Variants in ASTE1 observed in about 807,000 individuals in gnomAD.
The protein encoded by ASTE1 is asteroid structure-specific endonuclease 1.
A neutral mutation model predicts 45.8 loss-of-function variants in ASTE1; 49 were observed. That is an observed-to-expected ratio of 1.07 (90% CI 0.85 to 1.36). The LOEUF is 1.36. Among genes scored for constraint, ASTE1 ranks in the 40% most tolerant of loss-of-function variants. The pLI is 0.00. For missense variants in ASTE1, 709 were observed against 804.0 expected (o/e 0.88, Z 1.43); for synonymous variants, 296 against 303.9 (o/e 0.97, Z 0.27).
chr3:131,016,391 T>C, intron 4 of ASTE1, 52 bp from the exon 5 acceptor site: 1 of 1,588,978 alleles, frequency 6.3e-7, no homozygotes, highest in East Asian at 2.2e-5. Flanking sequence ...CTGTAACAGC[T>C]TTTCATTTTC....
Position 131,013,928 on chromosome 3 carries a change from C to G in ASTE1, c.*129G>C. Reference sequence around the variant, plus strand: ...ACAAAATACAAAATAACTTGGAATTCAGATTATTGTGATGTTTATCCCCTA... The same window carrying G: ...ACAAAATACAAAATAACTTGGAATTGAGATTATTGTGATGTTTATCCCCTA... On this transcript the variant is annotated 3_prime_UTR_variant, in exon 6 of 6. Transcript: ENST00000264992. The G allele has an allele frequency of 1.7e-6, 1 of 598,788 alleles. No homozygotes were observed. Among genetic ancestry groups the G allele is most frequent in the Admixed American group, 3.5e-5 (1 of 28,308 alleles). 37.1% of individuals were successfully genotyped at this position (598,788 alleles called of 1,614,324 possible).
rs762665001 is a variant in ASTE1 at position 131,018,530 on chromosome 3, A to C, written c.1489T>G (p.Leu497Val). ...CCAGGGCTGTTGATTATGGCAATCA[A>C]GGGCCCCACTAGCATTGTGAGCAGT... ...SLLLTMLVGP[L>V]IAIINSPGKE... Residue 497 changes from leucine to valine, a missense_variant, in exon 4 of 6, where the codon TTG becomes GTG. Coordinates refer to ENST00000264992, the MANE Select transcript of ASTE1 (RefSeq NM_014065.4). The C allele has an allele frequency of 2.5e-6, 4 of 1,614,046 alleles. No individual in the cohort carries two copies. Among genetic ancestry groups the C allele is most frequent in the Non-Finnish European group, 3.4e-6 (4 of 1,180,010 alleles).
At position 131,018,626 on chromosome 3, in the gene ASTE1, G is replaced by A. The variant is rs1329282201; in HGVS notation, c.1393C>T (p.Pro465Ser). The A allele has an allele frequency of 1.9e-5, 30 of 1,613,908 alleles. 1 individual carries two copies. Among genetic ancestry groups the A allele is most frequent in the Non-Finnish European group, 2.4e-5 (28 of 1,180,014 alleles). Residue 465 changes from proline (P) to serine (S), a missense_variant, in exon 4 of 6, where the codon CCC becomes TCC. Coordinates refer to ENST00000264992, the MANE Select transcript of ASTE1 (RefSeq NM_014065.4). ...AACCAGTAGCAACTGACAGCAATGGGCAACTTCAGTGAAGTAGGGATTGGC... is the reference window on the plus strand; with the variant it reads ...AACCAGTAGCAACTGACAGCAATGGACAACTTCAGTGAAGTAGGGATTGGC... ...LEPIPTSLKLPIAVSCYWLQH... is the reference protein window; with the variant it reads ...LEPIPTSLKLSIAVSCYWLQH...
chr3:131,023,912 A>G, intron 3 of ASTE1, 93 bp downstream of exon 3: 1 of 1,282,604 alleles, frequency 7.8e-7, no homozygotes. Context: ...CAACCTCATC[A>G]GTTTGTTATA....
chr3:131,019,632 G>C (rs218502), intron 3 of ASTE1, among the ~76,000 whole-genome samples: 133,738 of 152,180 alleles, frequency 0.88, 59,418 homozygotes, highest in Non-Finnish European at 0.95. Flanking sequence ...TTAAGAAAAA[G>C]AAAAGTTGTA....
Position 131,025,253 on chromosome 3 carries a change from G to C in ASTE1, c.54C>G (p.Phe18Leu). ...TTGTGTCCCGCAACTTCAAATCAGT[G>C]AAGAACTCATTACTATGATCTTCCA... ...SFVEDHSNEF[F>L]TDLKLRDTKI... Residue 18 changes from phenylalanine (F) to leucine (L), a missense_variant, in exon 3 of 6, where the codon TTC becomes TTG. Physicochemically the swap from Phe to Leu is conservative, Grantham distance 22. Coordinates refer to ENST00000264992, the MANE Select transcript of ASTE1 (RefSeq NM_014065.4). 6.2e-7 allele frequency: 1 copy of C among 1,614,146 alleles called. No homozygotes were observed. The highest frequency in any genetic ancestry group is 1.7e-5 in the Admixed American group (1 of 60,022).
intron 3 of ASTE1, among the ~76,000 whole-genome samples, chr3:131,021,382 T>TA (rs1349119758): frequency 6.6e-6 from 1 of 152,208 alleles, no homozygotes; most frequent in Non-Finnish European, 1.5e-5. Flanking sequence ...AGAAAAATGT[T>TA]ACAGCAATGA....
Position 131,025,222 on chromosome 3 carries a change from C to T in ASTE1, c.85G>A (p.Val29Ile). Residue 29 changes from valine to isoleucine, a missense_variant, in exon 3 of 6, where the codon GTC becomes ATC. By Grantham distance (29) the Val-to-Ile change is conservative. Transcript: ENST00000264992. ...TDLKLRDTKIVIDGYALFHRL... is the reference protein window; with the variant it reads ...TDLKLRDTKIIIDGYALFHRL... ...TGGAAAAGAGCATAACCATCAATGA[C>T]AATTTTTGTGTCCCGCAACTTCAAA... is the stretch of plus-strand genomic sequence containing the variant. 2.5e-6 allele frequency: 4 copies of T among 1,614,202 alleles called. No individual in the cohort carries two copies. Among genetic ancestry groups the T allele is most frequent in the South Asian group, 2.2e-5 (2 of 91,086 alleles).
At chr3:131,018,837 T>A in intron 3 of ASTE1, 121 bp from the exon 4 acceptor site, 1 of 951,900 alleles carries the variant, frequency 1.1e-6, no homozygotes, top group Non-Finnish European at 1.5e-6. Flanking sequence ...TAAACTTATC[T>A]TCTTGTGGGA....
intron 5 of ASTE1, 100 bp downstream of exon 5, chr3:131,016,044 T>G (rs1275168631): frequency 1.7e-6 from 2 of 1,178,600 alleles, no homozygotes; most frequent in Non-Finnish European, 2.2e-6. Context: ...TTTGTTTTGG[T>G]TTTTTTTTTT....
chr3:131,018,617 C>T lies in ASTE1; in HGVS notation c.1402G>A (p.Val468Ile). The T allele has an allele frequency of 1.9e-6, 3 of 1,614,014 alleles. No homozygotes were observed. Among genetic ancestry groups the T allele is most frequent in the Non-Finnish European group, 1.7e-6 (2 of 1,180,002 alleles). ...IPTSLKLPIA[V>I]SCYWLQHTET... ...GTGTGCTGCAACCAGTAGCAACTGA[C>T]AGCAATGGGCAACTTCAGTGAAGTA... The change falls in exon 4 of 6, where the codon GTC becomes ATC. Residue 468 changes from valine (V) to isoleucine (I), a missense_variant. Val to Ile is a conservative substitution (Grantham distance 29). Transcript: ENST00000264992.
rs2063702600 is a variant in ASTE1, at chr3:131,018,679, G to GT, written c.1339dup (p.Thr447AsnfsTer60). The GT allele has an allele frequency of 2.5e-6, 4 of 1,614,026 alleles. No individual in the cohort carries two copies. The highest frequency in any genetic ancestry group is 3.4e-6 in the Non-Finnish European group (4 of 1,180,000). The stretch of plus-strand genomic sequence containing the variant: ...CAGAATGGTCTGTTTCACCTTCAGG[G>GT]TTTCTAACAGAAGCATCTGCCGCCT... On this transcript the variant is annotated frameshift_variant, in exon 4 of 6. Coordinates refer to ENST00000264992, the MANE Select transcript of ASTE1 (RefSeq NM_014065.4). LOFTEE classifies it high-confidence loss of function.
chr3:131,014,913 G>A (rs556806252), intron 5 of ASTE1, among the ~76,000 whole-genome samples: 1 of 152,320 alleles, frequency 6.6e-6, no homozygotes, highest in South Asian at 2.1e-4. Flanking sequence ...TAACATCTCT[G>A]TGTAAAAAGC....
chr3:131,014,363 G>C lies in ASTE1; in HGVS notation c.1734C>G (p.His578Gln). The C allele has an allele frequency of 6.2e-7, 1 of 1,605,154 alleles. No individual in the cohort carries two copies. The highest frequency in any genetic ancestry group is 2.2e-5 in the East Asian group (1 of 44,856). ...LTRLYSGSLV[H>Q]GLCQQLLAST... ...ATGCTAGCAGTTGCTGGCATAGTCC[G>C]TGCACCAGGCTTCCACTGTACAGTC... The change falls in exon 6 of 6, where the codon CAC becomes CAG. Residue 578 changes from histidine to glutamine, a missense_variant. Physicochemically the swap from His to Gln is conservative, Grantham distance 24 (BLOSUM62 0). Coordinates refer to ENST00000264992, the MANE Select transcript of ASTE1 (RefSeq NM_014065.4).
Position 131,020,942 on chromosome 3 carries a change from G to A in ASTE1, c.1303-2226C>T, listed in dbSNP as rs2063733739. Reference sequence around the variant, plus strand: ...ATTCAGTTGGATTTCCATGTGGGGGGAAAAGGTATCCTGATCCCTATTTCA... The same window carrying A: ...ATTCAGTTGGATTTCCATGTGGGGGAAAAAGGTATCCTGATCCCTATTTCA... On this transcript the variant is annotated intron_variant, in intron 3 of 5. Transcript: ENST00000264992. Among the ~76,000 whole-genome samples the A allele has an allele frequency of 3.9e-5, 6 of 152,176 alleles. No homozygotes were observed. In the South Asian group the frequency reaches 1.2e-3, roughly 32 times the overall value.
intron 3 of ASTE1, among the ~76,000 whole-genome samples, chr3:131,021,623 T>C (rs1448631000): frequency 6.6e-6 from 1 of 152,210 alleles, no homozygotes; most frequent in East Asian, 1.9e-4. Context: ...TGTATAGACC[T>C]TGCAAAAATT....
chr3:131,025,224 A>C lies in ASTE1; in HGVS notation c.83T>G (p.Ile28Ser), dbSNP rs745726909. 1.2e-6 allele frequency: 2 copies of C among 1,614,062 alleles called. No individual in the cohort carries two copies. Among genetic ancestry groups the C allele is most frequent in the African/African-American group, 2.7e-5 (2 of 74,936 alleles). The change falls in exon 3 of 6, where the codon ATT becomes AGT. Residue 28 changes from isoleucine (I) to serine (S), a missense_variant. Physicochemically the swap from Ile to Ser is moderately radical, Grantham distance 142 (BLOSUM62 -2). Coordinates refer to ENST00000264992, the MANE Select transcript of ASTE1 (RefSeq NM_014065.4). ...FTDLKLRDTK[I>S]VIDGYALFHR... ...GAAAAGAGCATAACCATCAATGACA[A>C]TTTTTGTGTCCCGCAACTTCAAATC...
chr3:131,020,105 G>A (rs920151416), intron 3 of ASTE1, among the ~76,000 whole-genome samples: 1 of 152,164 alleles, frequency 6.6e-6, no homozygotes, highest in East Asian at 1.9e-4. Flanking sequence ...AAACAAAGCA[G>A]TCTGGGCTTT....
Position 131,014,199 on chromosome 3 carries a change from TG to T in ASTE1, c.1897del (p.Gln633ArgfsTer32), listed in dbSNP as rs1180837779. On this transcript the variant is annotated frameshift_variant, in exon 6 of 6. Transcript: ENST00000264992. LOFTEE classifies it low-confidence loss of function (END_TRUNC). ...AGAACAGCTGGTATTCTGTTTCTTC[TG>T]CCTTTTTTTTTTTGAATTTGATCTA... ...KGRSNSKKKR[Q>X]KKQNTSCSKN... 3.1e-6 allele frequency: 5 copies of T among 1,613,480 alleles called. No homozygotes were observed. Among genetic ancestry groups the T allele is most frequent in the Non-Finnish European group, 8.5e-7 (1 of 1,179,884 alleles).
Sources: allele counts gnomAD v4.1 joint callset (sites outside exome capture counted in the v4.1 genomes callset), GRCh38; gene constraint gnomAD v4.1.1; transcripts MANE v1.5; gene names NCBI Gene and HGNC (gene_info 2026-07-23, HGNC 2026-07-21).